The following ANKS1B variants were observed in gnomAD, a reference collection of about 807,000 sequenced individuals.
ANKS1B encodes the protein ankyrin repeat and sterile alpha motif domain-containing protein 1B.
In ANKS1B, 36 loss-of-function variants were observed where a neutral mutation model predicts 148.3. The observed-to-expected ratio is 0.24, with a 90% CI of 0.19 to 0.32. The LOEUF is 0.32. ANKS1B is among the 10% of genes least tolerant of loss of function. The pLI, the probability that ANKS1B is intolerant of heterozygous loss-of-function variation, is 1.00. For synonymous variants in ANKS1B, 542 were observed against 560.8 expected (o/e 0.97, Z 0.47); for missense variants, 1,157 against 1,542.6 (o/e 0.75, Z 4.19).
At chr12:99,439,576 G>GA (rs1361584318) in intron 11 of ANKS1B, among the ~76,000 whole-genome samples, 1 of 151,594 alleles carries the variant, frequency 6.6e-6, no homozygotes, top group African/African-American at 2.4e-5. Flanking sequence ...TTAGTCACCA[G>GA]AAAAAATGCA....
intron 12 of ANKS1B, among the ~76,000 whole-genome samples, chr12:99,301,144 C>A (rs1285633859): frequency 6.6e-6 from 1 of 152,180 alleles, no homozygotes; most frequent in Non-Finnish European, 1.5e-5. Flanking sequence ...AAGAAGAGAG[C>A]AAATTAGCCC....
intron 12 of ANKS1B, among the ~76,000 whole-genome samples, chr12:99,305,917 A>T (rs2082277386): frequency 6.6e-6 from 1 of 152,146 alleles, no homozygotes; most frequent in South Asian, 2.1e-4. Context: ...TAAATGGTAA[A>T]ATGTCCTCCC....
intron 1 of ANKS1B, among the ~76,000 whole-genome samples, chr12:99,952,878 C>A (rs2095252021): frequency 1.3e-5 from 2 of 152,164 alleles, no homozygotes; most frequent in South Asian, 4.1e-4. Flanking sequence ...TAAGTTAATA[C>A]CTTTTAAAGT....
At position 99,209,338 on chromosome 12, in the gene ANKS1B, G is replaced by T. The variant is rs575614673; in HGVS notation, c.2419+35004C>A. ...CTCACTCCATTTTTTGTAACAATGAGGGTGACTCTAGAGAGAAAAATTGCT... is the reference window on the plus strand; with the variant it reads ...CTCACTCCATTTTTTGTAACAATGATGGTGACTCTAGAGAGAAAAATTGCT... On this transcript the variant is annotated intron_variant, in intron 14 of 26. Transcript: ENST00000683438. 1.8e-3 allele frequency among the ~76,000 whole-genome samples: 280 copies of T among 152,224 alleles called. 1 individual carries two copies. The highest frequency in any genetic ancestry group is 3.7e-3 in the South Asian group (18 of 4,824).
intron 17 of ANKS1B, among the ~76,000 whole-genome samples, chr12:98,874,276 G>C (rs1450011838): frequency 6.6e-6 from 1 of 151,432 alleles, no homozygotes; most frequent in African/African-American, 2.4e-5. Context: ...AAACCCAAAA[G>C]AAATAAGAAG....
chr12:99,432,145 C>T (rs2095385627), intron 11 of ANKS1B, among the ~76,000 whole-genome samples: 1 of 152,178 alleles, frequency 6.6e-6, no homozygotes, highest in South Asian at 2.1e-4. Context: ...GGGCAGATGT[C>T]AACACGATGC....
intron 15 of ANKS1B, among the ~76,000 whole-genome samples, chr12:99,129,041 G>A (rs1054215727): frequency 3.3e-5 from 5 of 152,160 alleles, no homozygotes; most frequent in South Asian, 2.1e-4. Context: ...ACTGGACTGG[G>A]ATGAAACAAG....
At chr12:98,953,507 T>G (rs561110673) in intron 17 of ANKS1B, among the ~76,000 whole-genome samples, 2 of 150,836 alleles carry the variant, frequency 1.3e-5, no homozygotes, top group South Asian at 2.1e-4. Context: ...CTTCAAAATG[T>G]TTATCATGTC....
intron 1 of ANKS1B, among the ~76,000 whole-genome samples, chr12:99,961,027 A>G (rs758469660): frequency 6.6e-6 from 1 of 152,174 alleles, no homozygotes; most frequent in Non-Finnish European, 1.5e-5. Flanking sequence ...CAGGAATTCA[A>G]GACCAGCCCG....
rs144413353 is a variant in ANKS1B at position 99,835,753 on chromosome 12, G to A, written c.135-10364C>T. On this transcript the variant is annotated intron_variant, in intron 1 of 26. Coordinates refer to ENST00000683438, the MANE Select transcript of ANKS1B (RefSeq NM_001352186.2). ...GGGCATTTCTATATAATTATTCCAA[G>A]GGGAAAAAAGAAAATTAACTCTAAT... Among the ~76,000 whole-genome samples, 1,411 of 151,980 alleles carry A rather than the reference G, an allele frequency of 9.3e-3. 23 individuals are homozygous for A. Among genetic ancestry groups the A allele is most frequent in the African/African-American group, 0.032 (1,312 of 41,452 alleles).
At chr12:99,311,064 T>C (rs2083082179) in intron 12 of ANKS1B, among the ~76,000 whole-genome samples, 1 of 152,186 alleles carries the variant, frequency 6.6e-6, no homozygotes, top group Admixed American at 6.6e-5. Flanking sequence ...GGATAAATGT[T>C]ACCTATTATT....
chr12:99,421,477 C>T (rs2095080127), intron 11 of ANKS1B, among the ~76,000 whole-genome samples: 1 of 151,964 alleles, frequency 6.6e-6, no homozygotes, highest in East Asian at 1.9e-4. Context: ...AAATAGCCCA[C>T]CATCTCTGAT....
intron 17 of ANKS1B, among the ~76,000 whole-genome samples, chr12:99,009,815 C>T (rs544961890): frequency 2.7e-5 from 4 of 146,958 alleles, no homozygotes; most frequent in Middle Eastern, 3.5e-3. Context: ...CATCACTTTT[C>T]TTTGTTAAGA....
At chr12:99,341,300 T>C (rs1302465394) in intron 12 of ANKS1B, 3 of 152,124 alleles carry the variant, frequency 2.0e-5, no homozygotes, top group Non-Finnish European at 4.4e-5. Context: ...TCATGGAATC[T>C]TTTGGAGTGC....
At chr12:98,806,216 C>T (rs1026392185) in intron 20 of ANKS1B, among the ~76,000 whole-genome samples, 1 of 152,174 alleles carries the variant, frequency 6.6e-6, no homozygotes, top group Admixed American at 6.5e-5. Flanking sequence ...CTAAGGATGT[C>T]AGTAGATAAT....
At chr12:98,912,245 G>T (rs2099787821) in intron 17 of ANKS1B, among the ~76,000 whole-genome samples, 1 of 152,184 alleles carries the variant, frequency 6.6e-6, no homozygotes, top group African/African-American at 2.4e-5. Context: ...AACCATGGCA[G>T]CCTGGCTCCA....
chr12:99,581,912 A>G (rs1309081058), intron 9 of ANKS1B, among the ~76,000 whole-genome samples: 3 of 151,144 alleles, frequency 2.0e-5, no homozygotes, highest in Non-Finnish European at 4.4e-5. Context: ...AAAAAAAAAA[A>G]AAAGAAAAAA....
At chr12:98,965,369 G>A (rs1013893005) in intron 17 of ANKS1B, among the ~76,000 whole-genome samples, 1 of 152,158 alleles carries the variant, frequency 6.6e-6, no homozygotes, top group Non-Finnish European at 1.5e-5. Context: ...TGTATATAAA[G>A]CATCCAATAT....
chr12:98,811,980 A>G (rs969711712), intron 19 of ANKS1B, among the ~76,000 whole-genome samples: 1 of 152,174 alleles, frequency 6.6e-6, no homozygotes, highest in African/African-American at 2.4e-5. Flanking sequence ...ATTTTTCTCA[A>G]TGAAGAATAA....
Sources: allele counts gnomAD v4.1 joint callset (sites outside exome capture counted in the v4.1 genomes callset), GRCh38; gene constraint gnomAD v4.1.1; transcripts MANE v1.5; gene names NCBI Gene and HGNC (gene_info 2026-07-23, HGNC 2026-07-21).